PXYLP1: variants seen among roughly 807,000 people sequenced by gnomAD.
PXYLP1 encodes acid phosphatase-like 2.
In PXYLP1, 17 loss-of-function variants were observed where a neutral mutation model predicts 37.9. The ratio of observed to expected loss-of-function variants is 0.45; its 90% CI spans 0.31 to 0.67. The LOEUF (loss-of-function observed/expected upper bound fraction) is 0.67, where lower values mean the gene tolerates loss of function less well. Ranked by LOEUF, PXYLP1 falls within the 30% of genes least tolerant of loss-of-function variation. The pLI, the probability that PXYLP1 is intolerant of heterozygous loss-of-function variation, is 0.07. For missense variants in PXYLP1, 511 were observed against 612.0 expected (o/e 0.84, Z 1.74); for synonymous variants, 221 against 232.2 (o/e 0.95, Z 0.44).
intron 4 of PXYLP1, among the ~76,000 whole-genome samples, chr3:141,284,343 C>T (rs892164589): frequency 1.1e-4 from 16 of 151,744 alleles, no homozygotes; most frequent in Non-Finnish European, 2.2e-4. Context: ...TAATGTGAAC[C>T]GGGCATACAC....
rs534847427 is a variant in PXYLP1 at position 141,294,070 on chromosome 3, T to G, written c.*865T>G. ...AAGAATACTTGATGTTTATGATGAT[T>G]GTGGTACAAGATAGTTTTAAGTATG... is the stretch of plus-strand genomic sequence containing the variant. On this transcript the variant is annotated 3_prime_UTR_variant, in exon 6 of 6. Transcript: ENST00000286353. 2.6e-5 allele frequency: 4 copies of G among 152,358 alleles called. No homozygotes were observed. The highest frequency in any genetic ancestry group is 5.9e-5 in the Non-Finnish European group (4 of 68,034). 9.4% of individuals were successfully genotyped at this position (152,358 alleles called of 1,614,324 possible).
chr3:141,260,406 G>A, intron 2 of PXYLP1, 152 bp downstream of exon 2: 1 of 868,776 alleles, frequency 1.2e-6, no homozygotes, highest in East Asian at 2.7e-5. Flanking sequence ...TTGCAAGGAG[G>A]GATCCTAAAC....
At chr3:141,244,871 A>C (rs1160107910) in intron 1 of PXYLP1, among the ~76,000 whole-genome samples, 2 of 151,864 alleles carry the variant, frequency 1.3e-5, no homozygotes, top group Non-Finnish European at 2.9e-5. Context: ...AAAGATGTGC[A>C]TGTTTATTGT....
At chr3:141,281,405 G>A (rs59417028) in intron 4 of PXYLP1, among the ~76,000 whole-genome samples, 5,008 of 152,254 alleles carry the variant, frequency 0.033, 272 homozygotes, top group African/African-American at 0.11. Flanking sequence ...CTGAGGAGTC[G>A]AAGAAGAAAG....
At chr3:141,236,822 A>G (rs943018243) in intron 1 of PXYLP1, among the ~76,000 whole-genome samples, 1 of 152,240 alleles carries the variant, frequency 6.6e-6, no homozygotes, top group African/African-American at 2.4e-5. Context: ...CAGAAATAAT[A>G]ATGGAGGGAC....
intron 4 of PXYLP1, among the ~76,000 whole-genome samples, chr3:141,283,225 G>T (rs554670352): frequency 6.6e-6 from 1 of 151,698 alleles, no homozygotes; most frequent in Admixed American, 6.6e-5. Context: ...CTCATGATCA[G>T]CCCACCTCAG....
At chr3:141,253,596 A>G (rs1454816948) in intron 1 of PXYLP1, among the ~76,000 whole-genome samples, 1 of 151,916 alleles carries the variant, frequency 6.6e-6, no homozygotes, top group Non-Finnish European at 1.5e-5. Flanking sequence ...TCCTCCTGAC[A>G]GCACTGGTTT....
chr3:141,254,824 TTGGTAA>T (rs1941229361), intron 1 of PXYLP1, among the ~76,000 whole-genome samples: 1 of 152,226 alleles, frequency 6.6e-6, no homozygotes, highest in Non-Finnish European at 1.5e-5. Context: ...CTTTCTATTC[TTGGTAA>T]TGGTATTTTA....
intron 1 of PXYLP1, among the ~76,000 whole-genome samples, chr3:141,250,223 A>G (rs1400634633): frequency 2.6e-5 from 4 of 152,262 alleles, no homozygotes; most frequent in Admixed American, 2.6e-4. Context: ...GCTGAATTAC[A>G]CCTGAGCAAA....
intron 2 of PXYLP1, among the ~76,000 whole-genome samples, chr3:141,278,045 G>A (rs1378423250): frequency 6.6e-6 from 1 of 152,232 alleles, no homozygotes; most frequent in African/African-American, 2.4e-5. Context: ...CAGGTCCTAA[G>A]AAGTTAGTGT....
chr3:141,239,219 T>C (rs6779870), intron 1 of PXYLP1, among the ~76,000 whole-genome samples: 80,938 of 152,068 alleles, frequency 0.53, 22,596 homozygotes, highest in South Asian at 0.7. Flanking sequence ...TCTCTGGTCA[T>C]GATCATCTCT....
At chr3:141,246,571 G>A (rs1436691920) in intron 1 of PXYLP1, among the ~76,000 whole-genome samples, 1 of 152,178 alleles carries the variant, frequency 6.6e-6, no homozygotes, top group Non-Finnish European at 1.5e-5. Flanking sequence ...CTGGAGGCAG[G>A]TTGGGGGATT....
chr3:141,258,076 G>T (rs1037399574), intron 1 of PXYLP1, among the ~76,000 whole-genome samples: 12 of 152,134 alleles, frequency 7.9e-5, no homozygotes, highest in Non-Finnish European at 1.8e-4. Flanking sequence ...GACAAGACAT[G>T]ACCCAGCAGC....
chr3:141,256,528 ACACACACACGTATGCGCGTGTGCG>A (rs1941266343), intron 1 of PXYLP1, among the ~76,000 whole-genome samples: 1 of 152,004 alleles, frequency 6.6e-6, no homozygotes, highest in South Asian at 2.1e-4. Flanking sequence ...ATACATACAC[ACACACACACGTATGCGCGTGTGCG>A]CACACACACA....
intron 1 of PXYLP1, chr3:141,235,669 A>G (rs1940642561): frequency 6.6e-6 from 1 of 152,292 alleles, no homozygotes; most frequent in African/African-American, 2.4e-5. Flanking sequence ...AGCATCTCCC[A>G]GGGACTCTTT....
In PXYLP1 at chr3:141,287,420, C is replaced by G; in HGVS notation, c.472C>G (p.Pro158Ala). The G allele has an allele frequency of 6.2e-7, 1 of 1,614,106 alleles. No individual in the cohort carries two copies. The highest frequency in any genetic ancestry group is 8.5e-7 in the Non-Finnish European group (1 of 1,180,018). Residue 158 changes from proline (P) to alanine (A), a missense_variant, in exon 5 of 6, where the codon CCA becomes GCA. Coordinates refer to ENST00000286353, the MANE Select transcript of PXYLP1 (RefSeq NM_001037172.3). ...CTCCTTGCCTCTTTACCCAAATCACCCATTGTGTGAGATGGGAGAGCTCAC... is the reference window on the plus strand; with the variant it reads ...CTCCTTGCCTCTTTACCCAAATCACGCATTGTGTGAGATGGGAGAGCTCAC... Reference protein sequence around the residue: ...LNSLPLYPNHPLCEMGELTQT... With the variant: ...LNSLPLYPNHALCEMGELTQT...
intron 2 of PXYLP1, chr3:141,274,544 A>G: frequency 1.6e-6 from 2 of 1,268,168 alleles, no homozygotes; most frequent in Non-Finnish European, 2.2e-6. Flanking sequence ...CTGGTTCGGC[A>G]ACCCTCAGTG....
Position 141,261,051 on chromosome 3 carries a change from C to G in PXYLP1, c.79+797C>G, listed in dbSNP as rs138269565. ...GCCCTTGCCCCTTCTCCTCTAGGAC[C>G]CTTCCAGGAATACTTAAGGGTTTGG... On this transcript the variant is annotated intron_variant, in intron 2 of 5. Transcript: ENST00000286353. 7.2e-3 allele frequency among the ~76,000 whole-genome samples: 1,091 copies of G among 152,298 alleles called. 10 individuals are homozygous for G. The highest frequency in any genetic ancestry group is 0.016 in the South Asian group (76 of 4,832).
chr3:141,280,962 A>T (rs190735201), intron 4 of PXYLP1, among the ~76,000 whole-genome samples: 2 of 152,324 alleles, frequency 1.3e-5, no homozygotes, highest in Admixed American at 6.5e-5. Flanking sequence ...TTGTAGTAGA[A>T]GCTGCCTCTT....
Sources: gnomAD v4.1 joint callset for allele counts (sites outside exome capture counted in the v4.1 genomes callset) on GRCh38, gnomAD v4.1.1 for gene constraint, MANE v1.5 for transcripts, NCBI Gene and HGNC (gene_info 2026-07-23, HGNC 2026-07-21) for gene names.